Variants in LYPD6B observed in about 807,000 individuals in gnomAD.
LYPD6B encodes the protein LY6/PLAUR domain containing 6B.
In LYPD6B, 17 loss-of-function variants were observed where a neutral mutation model predicts 22.8. The observed-to-expected ratio is 0.75, with a 90% CI of 0.51 to 1.12. The LOEUF (loss-of-function observed/expected upper bound fraction) is 1.12, where lower values mean the gene tolerates loss of function less well. Among genes scored for constraint, LYPD6B ranks in the 50% most tolerant of loss-of-function variants. The pLI is 0.00. For missense variants in LYPD6B, 221 were observed against 258.3 expected (o/e 0.86, Z 0.99); for synonymous variants, 106 against 91.6 (o/e 1.16, Z -0.90).
At chr2:149,151,550 A>T (rs1453936278) in intron 2 of LYPD6B, among the ~76,000 whole-genome samples, 1 of 152,156 alleles carries the variant, frequency 6.6e-6, no homozygotes, top group African/African-American at 2.4e-5. Flanking sequence ...TCTACTTTTT[A>T]AAAATCACCT....
chr2:149,166,415 G>A (rs2105907730), intron 3 of LYPD6B, among the ~76,000 whole-genome samples: 1 of 152,256 alleles, frequency 6.6e-6, no homozygotes, highest in African/African-American at 2.4e-5. Flanking sequence ...TAACCTCTCT[G>A]TGCCTCAGTT....
intron 2 of LYPD6B, among the ~76,000 whole-genome samples, chr2:149,151,975 G>C (rs1322423469): frequency 6.6e-6 from 1 of 152,010 alleles, no homozygotes; most frequent in Non-Finnish European, 1.5e-5. Flanking sequence ...AGATGCTTTT[G>C]GTTCTGTATT....
At chr2:149,070,914 A>G (rs1332189515) in intron 1 of LYPD6B, among the ~76,000 whole-genome samples, 1 of 152,218 alleles carries the variant, frequency 6.6e-6, no homozygotes. Flanking sequence ...CTGGAAGGGA[A>G]ATGACAGAGC....
chr2:149,116,753 A>G lies in LYPD6B; in HGVS notation c.-66-14130A>G, dbSNP rs1449513545. Among the ~76,000 whole-genome samples the G allele has an allele frequency of 4.6e-5, 7 of 152,190 alleles. No individual in the cohort carries two copies. The East Asian group carries it at 1.3e-3, about 29-fold the overall frequency. ...TCAGCAAACATTTGTTGACAATAGG[A>G]AGAGAAATTGGATGAGATGTGGCTG... On this transcript the variant is annotated intron_variant, in intron 1 of 6. Coordinates refer to ENST00000409642, the MANE Select transcript of LYPD6B (RefSeq NM_177964.5).
At chr2:149,136,743 G>A (rs952217585) in intron 2 of LYPD6B, among the ~76,000 whole-genome samples, 7 of 152,064 alleles carry the variant, frequency 4.6e-5, no homozygotes, top group East Asian at 1.9e-4. Context: ...TAATTATTTC[G>A]TGAAAAAAAT....
At chr2:149,136,927 C>T (rs1688405007) in intron 2 of LYPD6B, among the ~76,000 whole-genome samples, 1 of 152,126 alleles carries the variant, frequency 6.6e-6, no homozygotes, top group Non-Finnish European at 1.5e-5. Flanking sequence ...AGAAAGAGGA[C>T]AGAGAGGAAA....
At chr2:149,072,570 T>C (rs570956140) in intron 1 of LYPD6B, among the ~76,000 whole-genome samples, 1 of 147,622 alleles carries the variant, frequency 6.8e-6, no homozygotes. Flanking sequence ...ACAGTTTCAC[T>C]CTGTTGCCCA....
intron 4 of LYPD6B, among the ~76,000 whole-genome samples, chr2:149,207,578 GA>G (rs1693581255): frequency 6.6e-6 from 1 of 151,438 alleles, no homozygotes; most frequent in South Asian, 2.1e-4. Flanking sequence ...CAGCAACTCA[GA>G]AATTCTTCTT....
chr2:149,186,154 G>C (rs1275620217), intron 3 of LYPD6B, among the ~76,000 whole-genome samples: 2 of 152,250 alleles, frequency 1.3e-5, no homozygotes, highest in African/African-American at 4.8e-5. Flanking sequence ...CGTGTCAAAA[G>C]CGGAGACAGG....
chr2:149,067,531 T>G (rs900247423), intron 1 of LYPD6B, among the ~76,000 whole-genome samples: 2 of 151,380 alleles, frequency 1.3e-5, no homozygotes, highest in African/African-American at 4.9e-5. Context: ...TATTTTTTCC[T>G]ATCTTTTCTG....
At chr2:149,166,810 T>C (rs1690453875) in intron 3 of LYPD6B, among the ~76,000 whole-genome samples, 1 of 152,074 alleles carries the variant, frequency 6.6e-6, no homozygotes, top group Non-Finnish European at 1.5e-5. Context: ...AATCTGGACA[T>C]GCATGGTCCC....
intron 2 of LYPD6B, among the ~76,000 whole-genome samples, chr2:149,140,646 TA>T (rs1211525438): frequency 1.3e-5 from 2 of 152,206 alleles, no homozygotes; most frequent in Non-Finnish European, 2.9e-5. Context: ...AGAATGCCAG[TA>T]CTTTTGTAGC....
At chr2:149,050,915 T>C (rs1683520883) in intron 1 of LYPD6B, among the ~76,000 whole-genome samples, 1 of 152,146 alleles carries the variant, frequency 6.6e-6, no homozygotes, top group Non-Finnish European at 1.5e-5. Context: ...AAAGATGATA[T>C]ATATTCATTA....
chr2:149,178,981 T>G (rs1312708574), intron 3 of LYPD6B, among the ~76,000 whole-genome samples: 1 of 152,254 alleles, frequency 6.6e-6, no homozygotes, highest in Admixed American at 6.5e-5. Flanking sequence ...ATGAGATTAC[T>G]TATTTTTCCT....
chr2:149,055,942 C>T (rs1415027235), intron 1 of LYPD6B, among the ~76,000 whole-genome samples: 1 of 152,230 alleles, frequency 6.6e-6, no homozygotes, highest in Non-Finnish European at 1.5e-5. Context: ...TTCTGTCTGA[C>T]ATTCCTGATC....
chr2:149,059,075 C>A (rs1348098195), intron 1 of LYPD6B, among the ~76,000 whole-genome samples: 1 of 152,234 alleles, frequency 6.6e-6, no homozygotes, highest in African/African-American at 2.4e-5. Context: ...GGCCACGGAG[C>A]CCTGTCTCTT....
chr2:149,056,299 A>G (rs1683787253), intron 1 of LYPD6B, among the ~76,000 whole-genome samples: 5 of 152,188 alleles, frequency 3.3e-5, no homozygotes, highest in African/African-American at 1.2e-4. Context: ...AAGATGAATG[A>G]AACACAGGCC....
At chr2:149,119,498 T>C (rs1285456952) in intron 1 of LYPD6B, among the ~76,000 whole-genome samples, 1 of 152,232 alleles carries the variant, frequency 6.6e-6, no homozygotes, top group Admixed American at 6.5e-5. Context: ...TTTCCTGTCT[T>C]TTGACATGTA....
At chr2:149,074,297 T>C (rs1312393708) in intron 1 of LYPD6B, among the ~76,000 whole-genome samples, 1 of 151,642 alleles carries the variant, frequency 6.6e-6, no homozygotes, top group African/African-American at 2.4e-5. Flanking sequence ...CACGCACATG[T>C]GCTCTCTCAC....
Sources: gnomAD v4.1 joint callset for allele counts (sites outside exome capture counted in the v4.1 genomes callset) on GRCh38, gnomAD v4.1.1 for gene constraint, MANE v1.5 for transcripts, NCBI Gene and HGNC (gene_info 2026-07-23, HGNC 2026-07-21) for gene names.